NCKAP5: variants seen among roughly 807,000 people sequenced by gnomAD.
The protein encoded by NCKAP5 is nck-associated protein 5.
In NCKAP5, 92 loss-of-function variants were observed where a neutral mutation model predicts 167.0. That is an observed-to-expected ratio of 0.55 (90% CI 0.47 to 0.66). NCKAP5 has a LOEUF of 0.66. NCKAP5 is among the 30% of genes least tolerant of loss of function. The pLI, the probability that NCKAP5 is intolerant of heterozygous loss-of-function variation, is 0.00. For missense variants in NCKAP5, 2,378 were observed against 2,315.0 expected (o/e 1.03, Z -0.56); for synonymous variants, 891 against 877.4 (o/e 1.02, Z -0.27).
intron 2 of NCKAP5, among the ~76,000 whole-genome samples, chr2:133,557,186 T>C (rs1201725233): frequency 6.6e-6 from 1 of 152,166 alleles, no homozygotes; most frequent in Non-Finnish European, 1.5e-5. Flanking sequence ...ATAAGAGAAA[T>C]CTGCAGACAT....
intron 16 of NCKAP5, among the ~76,000 whole-genome samples, chr2:132,750,141 G>A (rs532655226): frequency 4.4e-4 from 67 of 152,268 alleles, no homozygotes; most frequent in Non-Finnish European, 2.4e-4. Flanking sequence ...TAGGGAAGTT[G>A]TATGAAAGAT....
chr2:133,577,694 T>C, the NCKAP5 span, among the ~76,000 whole-genome samples: 3 of 151,694 alleles, frequency 2.0e-5, no homozygotes, highest in Admixed American at 6.6e-5. Flanking sequence ...CAGTCCCCAG[T>C]GTGTGATGTT....
intron 16 of NCKAP5, among the ~76,000 whole-genome samples, chr2:132,767,741 G>T (rs1434620633): frequency 6.6e-6 from 1 of 152,242 alleles, no homozygotes; most frequent in African/African-American, 2.4e-5. Context: ...CTGGTTTATG[G>T]TGTTAAGTTA....
At chr2:132,721,536 C>T (rs1008713147) in intron 19 of NCKAP5, among the ~76,000 whole-genome samples, 2 of 152,306 alleles carry the variant, frequency 1.3e-5, no homozygotes, top group East Asian at 3.9e-4. Context: ...AGCAAGGAAA[C>T]ACTGACTCAC....
intron 2 of NCKAP5, among the ~76,000 whole-genome samples, chr2:133,529,683 C>T (rs994885313): frequency 2.0e-5 from 3 of 152,148 alleles, no homozygotes; most frequent in Admixed American, 6.5e-5. Flanking sequence ...ACCTGTTTTC[C>T]ATAGAGTTAT....
At chr2:133,153,817 C>G (rs2083467000) in intron 5 of NCKAP5, among the ~76,000 whole-genome samples, 2 of 147,114 alleles carry the variant, frequency 1.4e-5, no homozygotes, top group African/African-American at 5.0e-5. Flanking sequence ...AGGCCCACTT[C>G]AAATAGTTCC....
rs748054443 is a variant in NCKAP5 at position 132,897,501 on chromosome 2, C to T, written c.580-18585G>A. On this transcript the variant is annotated intron_variant, in intron 8 of 19. Transcript: ENST00000409261. ...TACATACGAATCAGAGTTTCTCAAC[C>T]GCAGCACTATTGACATTTTAGGTCA... is the stretch of plus-strand genomic sequence containing the variant. Among the ~76,000 whole-genome samples, 4 of 152,280 alleles carry T rather than the reference C, an allele frequency of 2.6e-5. No individual in the cohort carries two copies. The East Asian group carries it at 7.7e-4, about 29-fold the overall frequency.
intron 6 of NCKAP5, among the ~76,000 whole-genome samples, chr2:133,064,267 C>A (rs962715215): frequency 2.0e-5 from 3 of 152,216 alleles, no homozygotes; most frequent in Admixed American, 6.5e-5. Flanking sequence ...GAGTGCAAAG[C>A]ACTGCCTCTC....
intron 19 of NCKAP5, among the ~76,000 whole-genome samples, chr2:132,680,806 T>C (rs7568136): frequency 0.019 from 2,901 of 152,244 alleles, 86 homozygotes; most frequent in African/African-American, 0.061. Flanking sequence ...AGGAAAGGCA[T>C]GTAAGTTGGG....
intron 6 of NCKAP5, among the ~76,000 whole-genome samples, chr2:133,014,589 AC>A (rs1559051496): frequency 6.6e-6 from 1 of 152,172 alleles, no homozygotes; most frequent in African/African-American, 2.4e-5. Context: ...GGTTTATCAA[AC>A]TTTGAACACC....
intron 5 of NCKAP5, among the ~76,000 whole-genome samples, chr2:133,204,218 T>C (rs1265255438): frequency 6.6e-6 from 1 of 152,244 alleles, no homozygotes; most frequent in African/African-American, 2.4e-5. Flanking sequence ...TCAGCATTTT[T>C]ATTTAAATTT....
chr2:132,988,925 T>C (rs1043507137), intron 7 of NCKAP5, among the ~76,000 whole-genome samples: 3 of 152,196 alleles, frequency 2.0e-5, no homozygotes, highest in Admixed American at 2.0e-4. Flanking sequence ...AGACTTTAAG[T>C]GACCATCTGA....
At chr2:133,046,750 G>T (rs1319585951) in intron 6 of NCKAP5, among the ~76,000 whole-genome samples, 2 of 151,926 alleles carry the variant, frequency 1.3e-5, no homozygotes, top group African/African-American at 4.8e-5. Flanking sequence ...ACCATATAAG[G>T]CAATAGGCAA....
At chr2:132,895,126 TG>T (rs1693051062) in intron 8 of NCKAP5, among the ~76,000 whole-genome samples, 1 of 151,846 alleles carries the variant, frequency 6.6e-6, no homozygotes, top group Non-Finnish European at 1.5e-5. Flanking sequence ...GGTCAGGAGA[TG>T]GAGACCTTCC....
At chr2:132,830,648 G>A (rs1372156493) in intron 11 of NCKAP5, among the ~76,000 whole-genome samples, 1 of 152,164 alleles carries the variant, frequency 6.6e-6, no homozygotes, top group African/African-American at 2.4e-5. Flanking sequence ...CCAGCAGAAT[G>A]GTAAATAATG....
At chr2:132,992,727 T>C (rs762389156) in intron 7 of NCKAP5, among the ~76,000 whole-genome samples, 48 of 152,194 alleles carry the variant, frequency 3.2e-4, no homozygotes, top group Non-Finnish European at 2.6e-4. Context: ...ACGCTGAGCA[T>C]GCATTCCCTT....
intron 18 of NCKAP5, among the ~76,000 whole-genome samples, chr2:132,725,986 C>T (rs184076527): frequency 2.6e-5 from 4 of 152,192 alleles, no homozygotes; most frequent in Admixed American, 2.6e-4. Flanking sequence ...CAGAAATAGG[C>T]CTGCAATAAT....
intron 6 of NCKAP5, among the ~76,000 whole-genome samples, chr2:133,015,375 G>A (rs1420932617): frequency 6.6e-6 from 1 of 151,466 alleles, no homozygotes; most frequent in Non-Finnish European, 1.5e-5. Context: ...TTTTTCTCCT[G>A]GAGACATTCT....
chr2:132,841,406 TTAAAC>T (rs1205989075), intron 11 of NCKAP5, among the ~76,000 whole-genome samples: 1 of 152,144 alleles, frequency 6.6e-6, no homozygotes, highest in East Asian at 1.9e-4. Flanking sequence ...TTAACCATAT[TTAAAC>T]TAGCAGATTT....
Sources: allele counts gnomAD v4.1 joint callset (sites outside exome capture counted in the v4.1 genomes callset), GRCh38; gene constraint gnomAD v4.1.1; transcripts MANE v1.5; gene names NCBI Gene and HGNC (gene_info 2026-07-23, HGNC 2026-07-21).